The following SNRK variants were observed in gnomAD, a reference collection of about 807,000 sequenced individuals.
The protein encoded by SNRK is SNF related kinase.
SNRK carries 3 observed loss-of-function variants against 48.2 expected under a neutral mutation model. The observed-to-expected ratio is 0.06, with a 90% CI of 0.03 to 0.16. The LOEUF is 0.16. Among genes scored for constraint, SNRK ranks in the 10% least tolerant of loss-of-function variants. The pLI is 1.00. For missense variants in SNRK, 627 were observed against 976.0 expected (o/e 0.64, Z 4.76); for synonymous variants, 376 against 366.1 (o/e 1.03, Z -0.31).
chr3:43,288,269 A>G (rs562004918), intron 1 of SNRK, among the ~76,000 whole-genome samples: 2 of 152,126 alleles, frequency 1.3e-5, no homozygotes, highest in Admixed American at 6.5e-5. Context: ...TCAGTTTTTA[A>G]TTGTTCATTT....
chr3:43,326,917 A>G (rs576059794), intron 3 of SNRK, among the ~76,000 whole-genome samples: 2 of 152,316 alleles, frequency 1.3e-5, no homozygotes, highest in East Asian at 3.9e-4. Flanking sequence ...CTGTTAAATA[A>G]TAAAACCTTG....
chr3:43,319,839 T>C (rs1408928447), intron 3 of SNRK, among the ~76,000 whole-genome samples: 2 of 152,252 alleles, frequency 1.3e-5, no homozygotes, highest in African/African-American at 4.8e-5. Context: ...GTATCTGTTA[T>C]ATTTAATGAG....
chr3:43,316,623 A>G (rs2091014970), intron 3 of SNRK, among the ~76,000 whole-genome samples: 1 of 151,958 alleles, frequency 6.6e-6, no homozygotes, highest in Non-Finnish European at 1.5e-5. Context: ...ATTGGAGCTT[A>G]ATTTTTTTTT....
chr3:43,295,634 C>T (rs1299932999), intron 1 of SNRK, among the ~76,000 whole-genome samples: 1 of 152,218 alleles, frequency 6.6e-6, no homozygotes, highest in Non-Finnish European at 1.5e-5. Context: ...AATTCTTTTA[C>T]AACTTAGGGC....
intron 3 of SNRK, among the ~76,000 whole-genome samples, chr3:43,311,542 A>G (rs745670057): frequency 2.6e-5 from 4 of 152,194 alleles, no homozygotes; most frequent in African/African-American, 7.2e-5. Flanking sequence ...GATAGGGGGA[A>G]AAAGGATCTG....
intron 1 of SNRK, among the ~76,000 whole-genome samples, chr3:43,299,273 G>C (rs2090880761): frequency 6.6e-6 from 1 of 152,168 alleles, no homozygotes; most frequent in Non-Finnish European, 1.5e-5. Context: ...CGCCTCCTGG[G>C]TTCAAGCAAG....
At chr3:43,344,471 T>C (rs1177326587) in intron 6 of SNRK, among the ~76,000 whole-genome samples, 1 of 152,168 alleles carries the variant, frequency 6.6e-6, no homozygotes, top group Non-Finnish European at 1.5e-5. Context: ...ATTATGATTG[T>C]AAAAGATTAA....
At chr3:43,318,743 G>A (rs914242470) in intron 3 of SNRK, among the ~76,000 whole-genome samples, 6 of 152,036 alleles carry the variant, frequency 3.9e-5, no homozygotes, top group Admixed American at 1.3e-4. Context: ...CTAAAGAATC[G>A]AGTCCGGCGT....
At chr3:43,341,746 AC>A (rs1259657151) in intron 5 of SNRK, among the ~76,000 whole-genome samples, 4 of 152,032 alleles carry the variant, frequency 2.6e-5, no homozygotes, top group Non-Finnish European at 5.9e-5. Context: ...GGACCTGCAG[AC>A]CCCTGCTGTG....
intron 3 of SNRK, among the ~76,000 whole-genome samples, chr3:43,318,797 A>G (rs1181495524): frequency 6.6e-6 from 1 of 152,236 alleles, no homozygotes; most frequent in East Asian, 1.9e-4. Flanking sequence ...AGGCCGAGGC[A>G]GGTGAATCAC....
Position 43,303,642 on chromosome 3 carries a change from T to G in SNRK, c.439T>G (p.Phe147Val), listed in dbSNP as rs1259553236. The change falls in exon 3 of 7, where the codon TTC (phenylalanine) becomes GTC (valine). Residue 147 changes from phenylalanine (F) to valine (V), a missense_variant. Phe to Val is a conservative substitution (Grantham distance 50). Coordinates refer to ENST00000296088, the MANE Select transcript of SNRK (RefSeq NM_017719.5). This position sits in a 1 kb window ranked among gnomAD's most constrained non-coding sequence, Gnocchi z 6.2. Reference sequence around the variant, plus strand: ...AGACTTAAAACCAGAGAATGTAGTCTTCTTTGAAAAACAAGGTCTTGTAAA... The same window carrying G: ...AGACTTAAAACCAGAGAATGTAGTCGTCTTTGAAAAACAAGGTCTTGTAAA... The part of the protein sequence containing the change: ...HRDLKPENVV[F>V]FEKQGLVKLT... 8 of 1,614,056 alleles carry G rather than the reference T, an allele frequency of 5.0e-6. No individual in the cohort carries two copies. Among genetic ancestry groups the G allele is most frequent in the Non-Finnish European group, 5.9e-6 (7 of 1,180,024 alleles).
At chr3:43,294,917 A>G (rs1254947460) in intron 1 of SNRK, among the ~76,000 whole-genome samples, 2 of 152,202 alleles carry the variant, frequency 1.3e-5, no homozygotes, top group Non-Finnish European at 2.9e-5. Flanking sequence ...CCTGGGCACA[A>G]TAAGTAATTG....
Position 43,303,746 on chromosome 3 carries a change from C to G in SNRK, c.543C>G (p.Ser181=). ...LTTSCGSLAY[S]APEILLGDEY... is the part of the protein sequence containing the mutation. Reference sequence around the variant, plus strand: ...CAAGCTGTGGATCTCTTGCATATTCCGCTCCAGAAATTCTGCTTGGTGATG... The same window carrying G: ...CAAGCTGTGGATCTCTTGCATATTCGGCTCCAGAAATTCTGCTTGGTGATG... The change falls in exon 3 of 7, where the codon TCC becomes TCG. Residue 181 remains serine, a synonymous_variant. Transcript: ENST00000296088. This position sits in a 1 kb window ranked among gnomAD's most constrained non-coding sequence, Gnocchi z 6.2. 6.2e-7 allele frequency: 1 copy of G among 1,613,740 alleles called. No homozygotes were observed. The highest frequency in any genetic ancestry group is 8.5e-7 in the Non-Finnish European group (1 of 1,179,970).
intron 3 of SNRK, among the ~76,000 whole-genome samples, chr3:43,327,256 G>A (rs1024543847): frequency 4.0e-5 from 6 of 151,896 alleles, no homozygotes; most frequent in Non-Finnish European, 7.4e-5. Context: ...AAGGTCTTAG[G>A]TTTTATTATA....
chr3:43,295,059 G>A (rs890207520), intron 1 of SNRK, among the ~76,000 whole-genome samples: 2 of 152,158 alleles, frequency 1.3e-5, no homozygotes, highest in Admixed American at 6.5e-5. Context: ...CACGTAGGCA[G>A]AAATGATGAC....
At chr3:43,295,974 A>G (rs538157392) in intron 1 of SNRK, among the ~76,000 whole-genome samples, 1 of 152,154 alleles carries the variant, frequency 6.6e-6, no homozygotes, top group African/African-American at 2.4e-5. Flanking sequence ...CCTGACCTCA[A>G]GTAATCTATC....
intron 1 of SNRK, among the ~76,000 whole-genome samples, chr3:43,295,294 A>C (rs2090844072): frequency 6.6e-6 from 1 of 152,260 alleles, no homozygotes; most frequent in Admixed American, 6.5e-5. Flanking sequence ...AAGATTACTT[A>C]AACCAGTACT....
At chr3:43,316,381 C>T (rs915755636) in intron 3 of SNRK, among the ~76,000 whole-genome samples, 2 of 151,850 alleles carry the variant, frequency 1.3e-5, no homozygotes, top group African/African-American at 2.4e-5. Context: ...TGGGCCCCAC[C>T]CCCAGAGATT....
At chr3:43,300,233 A>G (rs1321224927) in intron 2 of SNRK, among the ~76,000 whole-genome samples, 1 of 152,198 alleles carries the variant, frequency 6.6e-6, no homozygotes, top group South Asian at 2.1e-4. Flanking sequence ...TAGATTAAAA[A>G]TCATTTCACT....
Sources: allele counts gnomAD v4.1 joint callset (sites outside exome capture counted in the v4.1 genomes callset), GRCh38; gene constraint gnomAD v4.1.1; non-coding constraint Gnocchi (gnomAD v3.1); transcripts MANE v1.5; gene names NCBI Gene and HGNC (gene_info 2026-07-23, HGNC 2026-07-21).